ABCB11: variants seen among roughly 807,000 people sequenced by gnomAD.
ABCB11 encodes the protein ATP binding cassette subfamily B member 11.
In ABCB11, 95 loss-of-function variants were observed where a neutral mutation model predicts 148.0. The observed-to-expected ratio is 0.64, with a 90% CI of 0.54 to 0.76. The LOEUF is 0.76. Ranked by LOEUF, ABCB11 falls within the 30% of genes least tolerant of loss-of-function variation. The pLI, the probability that ABCB11 is intolerant of heterozygous loss-of-function variation, is 0.00. For synonymous variants in ABCB11, 591 were observed against 555.4 expected, an observed-to-expected ratio of 1.06 and a Z score of -0.90; for missense variants, 1,523 against 1,617.8, an observed-to-expected ratio of 0.94 and a Z score of 1.01.
At chr2:169,012,510 T>G (rs1312021408) in intron 5 of ABCB11, among the ~76,000 whole-genome samples, 1 of 151,952 alleles carries the variant, frequency 6.6e-6, no homozygotes, top group African/African-American at 2.4e-5. Context: ...TTTGGGAGGC[T>G]GAGGCAGGCA....
chr2:169,025,638 C>T (rs1410984000), intron 1 of ABCB11, among the ~76,000 whole-genome samples: 2 of 152,164 alleles, frequency 1.3e-5, no homozygotes, highest in African/African-American at 4.8e-5. Context: ...CATTAGGTTT[C>T]AATTGCTTAC....
At chr2:168,958,420 C>A (rs899861557) in intron 18 of ABCB11, among the ~76,000 whole-genome samples, 2 of 151,350 alleles carry the variant, frequency 1.3e-5, no homozygotes, top group Non-Finnish European at 3.0e-5. Flanking sequence ...TATGTTGGAT[C>A]TTGGAGAAAA....
intron 1 of ABCB11, among the ~76,000 whole-genome samples, chr2:169,023,269 A>C (rs1045030305): frequency 6.6e-6 from 1 of 152,218 alleles, no homozygotes; most frequent in Non-Finnish European, 1.5e-5. Flanking sequence ...AATACGTGGC[A>C]GGCACTGTTC....
rs1157197296 is a variant in ABCB11, at chr2:168,968,439, T to C, written c.2063A>G (p.Gln688Arg). The change falls in exon 17 of 28, where the codon CAG (glutamine) becomes CGG (arginine). Residue 688 changes from glutamine (Q) to arginine (R), a missense_variant. Gln to Arg is a conservative substitution (Grantham distance 43). Coordinates refer to ENST00000650372, the MANE Select transcript of ABCB11 (RefSeq NM_003742.4). ...GGCTTGAGCTTACCTTAAACTATCC[T>C]GGTAGCTCCCTCTGCTAAAGGTCCT... is the stretch of plus-strand genomic sequence containing the variant. ...LARTFSRGSY[Q>R]DSLRASIRQR... 10 of 1,610,896 alleles carry C rather than the reference T, an allele frequency of 6.2e-6. No individual in the cohort carries two copies. Among genetic ancestry groups the C allele is most frequent in the Non-Finnish European group, 8.5e-6 (10 of 1,178,422 alleles).
Position 168,921,320 on chromosome 2 carries a change from A to G in ABCB11, c.*2302T>C, listed in dbSNP as rs1329054686. On this transcript the variant is annotated 3_prime_UTR_variant, in exon 28 of 28. Transcript: ENST00000650372. Reference sequence around the variant, plus strand: ...CTCCATATCCTAGTGTCCTGGCTTAATTTATAGGCAGAATTTCGTTTGTTG... The same window carrying G: ...CTCCATATCCTAGTGTCCTGGCTTAGTTTATAGGCAGAATTTCGTTTGTTG... 6.6e-6 allele frequency among the ~76,000 whole-genome samples: 1 copy of G among 152,162 alleles called. No individual in the cohort carries two copies. Among genetic ancestry groups the G allele is most frequent in the Non-Finnish European group, 1.5e-5 (1 of 68,030 alleles).
At chr2:168,993,292 T>A (rs745603280) in intron 8 of ABCB11, among the ~76,000 whole-genome samples, 1 of 151,942 alleles carries the variant, frequency 6.6e-6, no homozygotes, top group Non-Finnish European at 1.5e-5. Flanking sequence ...GTGAGTGGGG[T>A]TTGGAGTCAG....
intron 8 of ABCB11, among the ~76,000 whole-genome samples, chr2:168,991,860 C>T (rs1329822159): frequency 6.0e-5 from 8 of 132,346 alleles, no homozygotes; most frequent in South Asian, 4.8e-4. Flanking sequence ...TTTAAAGAGA[C>T]GGGTTCTTGT....
chr2:168,972,143 A>T, intron 13 of ABCB11, 93 bp from the exon 14 acceptor site: 1 of 1,101,954 alleles, frequency 9.1e-7, no homozygotes, highest in Admixed American at 2.1e-5. Flanking sequence ...GGCAGAAAAA[A>T]TAGAGGCCAA....
intron 21 of ABCB11, among the ~76,000 whole-genome samples, chr2:168,942,773 A>G (rs1692127121): frequency 6.6e-6 from 1 of 151,866 alleles, no homozygotes; most frequent in South Asian, 2.1e-4. Flanking sequence ...AAAAAAAATT[A>G]TCAACTAAAA....
chr2:168,959,200 G>GGAA (rs983543640), intron 18 of ABCB11, among the ~76,000 whole-genome samples: 1 of 151,668 alleles, frequency 6.6e-6, no homozygotes, highest in Non-Finnish European at 1.5e-5. Flanking sequence ...ATAAAATGAG[G>GGAA]GAAGGCAACT....
At chr2:168,957,843 T>C in intron 19 of ABCB11, 121 bp downstream of exon 19, 21 of 1,037,080 alleles carry the variant, frequency 2.0e-5, no homozygotes, top group Non-Finnish European at 2.3e-5. Context: ...TTTCATTCTT[T>C]AGAGATGAGA....
At chr2:168,928,329 A>C (rs1338454896) in intron 25 of ABCB11, among the ~76,000 whole-genome samples, 1 of 152,200 alleles carries the variant, frequency 6.6e-6, no homozygotes, top group Non-Finnish European at 1.5e-5. Flanking sequence ...AAGCTCCTAG[A>C]AGGCAGAAGA....
intron 12 of ABCB11, 76 bp downstream of exon 12, chr2:168,976,501 G>T: frequency 1.2e-6 from 1 of 837,806 alleles, no homozygotes; most frequent in South Asian, 2.3e-5. Flanking sequence ...TTCAGAAAAT[G>T]AGCAATTTGT....
rs937377584 is a variant in ABCB11, at chr2:168,923,984, A to G, written c.3766-162T>C. 3.9e-5 allele frequency among the ~76,000 whole-genome samples: 6 copies of G among 152,340 alleles called. No homozygotes were observed. The South Asian group carries it at 1.2e-3, about 32-fold the overall frequency. Reference sequence around the variant, plus strand: ...ATTAAGCAAGTATTCCCTGAATGCAATGCATCAGTGATTTCAATGGCAGTG... The same window carrying G: ...ATTAAGCAAGTATTCCCTGAATGCAGTGCATCAGTGATTTCAATGGCAGTG... On this transcript the variant is annotated intron_variant, in intron 27 of 27. Coordinates refer to ENST00000650372, the MANE Select transcript of ABCB11 (RefSeq NM_003742.4).
chr2:168,946,348 T>A (rs1692307080), intron 19 of ABCB11, among the ~76,000 whole-genome samples: 1 of 151,856 alleles, frequency 6.6e-6, no homozygotes, highest in Non-Finnish European at 1.5e-5. Context: ...TATGTGCTAC[T>A]CCATTAACAA....
intron 19 of ABCB11, among the ~76,000 whole-genome samples, chr2:168,953,906 T>G (rs1101532): frequency 6.6e-6 from 1 of 151,272 alleles, no homozygotes; most frequent in Non-Finnish European, 1.5e-5. Context: ...AAGACCCCTC[T>G]CTGCTTTGGC....
At chr2:168,983,006 A>G (rs967932588) in intron 10 of ABCB11, among the ~76,000 whole-genome samples, 3 of 152,154 alleles carry the variant, frequency 2.0e-5, no homozygotes, top group Admixed American at 1.3e-4. Context: ...AGAATAAATT[A>G]TTTACAAAAG....
At chr2:168,992,977 T>C (rs201070379) in intron 8 of ABCB11, among the ~76,000 whole-genome samples, 1 of 152,044 alleles carries the variant, frequency 6.6e-6, no homozygotes, top group African/African-American at 2.4e-5. Context: ...CTAATGTGGC[T>C]GCTCTAATAA....
intron 25 of ABCB11, among the ~76,000 whole-genome samples, chr2:168,927,896 A>T (rs1691386699): frequency 6.6e-6 from 1 of 152,220 alleles, no homozygotes; most frequent in Non-Finnish European, 1.5e-5. Flanking sequence ...CACCTGCCAC[A>T]AAGCACCATC....
Sources: gnomAD v4.1 joint callset for allele counts (sites outside exome capture counted in the v4.1 genomes callset) on GRCh38, gnomAD v4.1.1 for gene constraint, MANE v1.5 for transcripts, NCBI Gene and HGNC (gene_info 2026-07-23, HGNC 2026-07-21) for gene names.